VPS50: variants seen among roughly 807,000 people sequenced by gnomAD.
The protein encoded by VPS50 is VPS50 subunit of EARP/GARPII complex.
VPS50 carries 70 observed loss-of-function variants against 139.7 expected under a neutral mutation model. The ratio of observed to expected loss-of-function variants is 0.50; its 90% CI spans 0.41 to 0.61. VPS50 has a LOEUF of 0.61. VPS50 is among the 20% of genes least tolerant of loss of function. The pLI, the probability that VPS50 is intolerant of heterozygous loss-of-function variation, is 0.00. For synonymous variants in VPS50, 365 were observed against 376.7 expected (o/e 0.97, Z 0.36); for missense variants, 921 against 1,133.7 (o/e 0.81, Z 2.69).
chr7:93,322,177 C>T (rs1476617883), intron 20 of VPS50, among the ~76,000 whole-genome samples: 2 of 152,158 alleles, frequency 1.3e-5, no homozygotes, highest in Non-Finnish European at 2.9e-5. Flanking sequence ...TATTTAAAAT[C>T]ATTTCTCACA....
chr7:93,355,899 A>T lies in VPS50; in HGVS notation c.2594A>T (p.Asn865Ile). ...ANRTIVEGYA[N>I]VKKCSNEGRA... is the part of the protein sequence containing the mutation. ...ATTGTTTTGCATCTTAGATATGCCA[A>T]TGTCAAGAAATGCAGTAATGAGGGT... The change falls in exon 27 of 28, where the codon AAT becomes ATT. Residue 865 changes from asparagine (N) to isoleucine (I), a missense_variant. This residue lies in a region of VPS50 where 158 missense variants were observed against 156.3 expected (regional missense o/e 1.01). Coordinates refer to ENST00000305866, the MANE Select transcript of VPS50 (RefSeq NM_017667.4). The T allele has an allele frequency of 6.4e-7, 1 of 1,563,704 alleles. No homozygotes were observed. Among genetic ancestry groups the T allele is most frequent in the South Asian group, 1.2e-5 (1 of 83,546 alleles).
At chr7:93,287,480 A>G (rs1343805871) in intron 12 of VPS50, among the ~76,000 whole-genome samples, 1 of 151,948 alleles carries the variant, frequency 6.6e-6, no homozygotes, top group Non-Finnish European at 1.5e-5. Flanking sequence ...TTGGGTGGAA[A>G]ATAGAAGATA....
intron 14 of VPS50, among the ~76,000 whole-genome samples, chr7:93,295,258 G>A (rs187430149): frequency 6.6e-6 from 1 of 152,200 alleles, no homozygotes; most frequent in Admixed American, 6.5e-5. Flanking sequence ...GGGAGGGAGG[G>A]CCTGCTTCCT....
In VPS50 at chr7:93,284,326, A is replaced by G. The variant is rs529087579; in HGVS notation, c.943-7377A>G. ...CTCAGGCAGCGTGAGGGTTAATAGC[A>G]TCTTATAACTTGAAACTTTGAAAGA... On this transcript the variant is annotated intron_variant, in intron 12 of 27. Coordinates refer to ENST00000305866, the MANE Select transcript of VPS50 (RefSeq NM_017667.4). 3.3e-5 allele frequency among the ~76,000 whole-genome samples: 5 copies of G among 152,284 alleles called. No homozygotes were observed. In the South Asian group the frequency reaches 6.2e-4, roughly 19 times the overall value.
Position 93,239,921 on chromosome 7 carries a change from G to A in VPS50, c.89G>A (p.Arg30Gln), listed in dbSNP as rs537957263. The A allele has an allele frequency of 8.9e-5, 142 of 1,599,782 alleles. No homozygotes were observed. The highest frequency in any genetic ancestry group is 5.0e-4 in the Middle Eastern group (3 of 6,008). The change falls in exon 2 of 28, where the codon CGG becomes CAG. Residue 30 changes from arginine to glutamine, a missense_variant. Arg to Gln is a conservative substitution (Grantham distance 43). Around this residue, in one of 3 missense-constraint regions of VPS50, gnomAD observed 744 missense variants for 930.6 expected, o/e 0.80. Coordinates refer to ENST00000305866, the MANE Select transcript of VPS50 (RefSeq NM_017667.4). ...LSDLGAIESL[R>Q]VPGKEEFREL... ...GATCTTGGTGCCATAGAGAGTCTCC[G>A]GGTCCCTGGAAAGGTATTGAGCTAC... is the stretch of plus-strand genomic sequence containing the variant.
chr7:93,286,015 T>C (rs10230591), intron 12 of VPS50, among the ~76,000 whole-genome samples: 9 of 152,178 alleles, frequency 5.9e-5, no homozygotes, highest in African/African-American at 1.9e-4. Context: ...TCCTTTTTTT[T>C]CTGTGCATTT....
chr7:93,323,565 AT>A, intron 20 of VPS50, 45 bp from the exon 21 acceptor site: 1 of 798,636 alleles, frequency 1.3e-6, no homozygotes. Flanking sequence ...AGACTAACAG[AT>A]TTTAATTTTG....
Position 93,280,601 on chromosome 7 carries a change from C to G in VPS50, c.942+4296C>G, listed in dbSNP as rs1454625516. ...TAATTTAACACCTTTGTAGAGAAAC[C>G]CTTTGTGGTTTATTTGAAAGTTTAT... On this transcript the variant is annotated intron_variant, in intron 12 of 27. Coordinates refer to ENST00000305866, the MANE Select transcript of VPS50 (RefSeq NM_017667.4). Among the ~76,000 whole-genome samples, 5 of 151,982 alleles carry G rather than the reference C, an allele frequency of 3.3e-5. No individual in the cohort carries two copies. In the East Asian group the frequency reaches 5.8e-4, roughly 18 times the overall value.
chr7:93,332,167 C>T (rs912463911), intron 21 of VPS50, among the ~76,000 whole-genome samples: 1 of 152,204 alleles, frequency 6.6e-6, no homozygotes, highest in South Asian at 2.1e-4. Flanking sequence ...TCTCACAGTT[C>T]TGGAGGCTAG....
chr7:93,241,496 G>A (rs1413399599), intron 2 of VPS50, among the ~76,000 whole-genome samples: 1 of 152,092 alleles, frequency 6.6e-6, no homozygotes, highest in African/African-American at 2.4e-5. Context: ...AAAATGTATT[G>A]ATGCTATAAG....
chr7:93,302,805 T>A (rs1023025883), intron 16 of VPS50, among the ~76,000 whole-genome samples: 15 of 152,054 alleles, frequency 9.9e-5, no homozygotes, highest in African/African-American at 3.6e-4. Flanking sequence ...TAAGGGTTTG[T>A]TTTTCTGGGA....
At chr7:93,302,726 A>G (rs903005408) in intron 16 of VPS50, among the ~76,000 whole-genome samples, 11 of 151,988 alleles carry the variant, frequency 7.2e-5, no homozygotes, top group Non-Finnish European at 1.2e-4. Context: ...TGTTTTTAGC[A>G]TGGTAGTAAC....
At chr7:93,261,688 A>G (rs1443661524) in intron 9 of VPS50, among the ~76,000 whole-genome samples, 3 of 151,532 alleles carry the variant, frequency 2.0e-5, no homozygotes, top group East Asian at 1.9e-4. Flanking sequence ...AAAAAAAAAA[A>G]AAAAAAAAAA....
chr7:93,357,389 TTC>T (rs1798736952), intron 27 of VPS50, among the ~76,000 whole-genome samples: 1 of 152,114 alleles, frequency 6.6e-6, no homozygotes, highest in Non-Finnish European at 1.5e-5. Flanking sequence ...AGGGACTCTT[TTC>T]TGTCTTTGAA....
intron 17 of VPS50, among the ~76,000 whole-genome samples, chr7:93,305,333 G>C (rs566002852): frequency 6.6e-6 from 1 of 151,796 alleles, no homozygotes; most frequent in Admixed American, 6.6e-5. Context: ...GGTATATAGC[G>C]AAAAGTAAAT....
Position 93,291,844 on chromosome 7 carries a change from A to G in VPS50, c.1075+9A>G. On this transcript the variant is annotated intron_variant, in intron 13 of 27. Coordinates refer to ENST00000305866, the MANE Select transcript of VPS50 (RefSeq NM_017667.4). Reference sequence around the variant, plus strand: ...TACTGCTTCAGCTTCTGGTAGGAAAATATTTTTATTTTATTTTAAAAATTG... The same window carrying G: ...TACTGCTTCAGCTTCTGGTAGGAAAGTATTTTTATTTTATTTTAAAAATTG... 6.4e-7 allele frequency: 1 copy of G among 1,554,548 alleles called. No individual in the cohort carries two copies. The highest frequency in any genetic ancestry group is 8.7e-7 in the Non-Finnish European group (1 of 1,149,666).
chr7:93,316,670 G>A (rs530749341), intron 20 of VPS50, among the ~76,000 whole-genome samples: 11 of 152,210 alleles, frequency 7.2e-5, no homozygotes, highest in South Asian at 2.1e-4. Context: ...CAAGTTTTCC[G>A]AGCTGATGGT....
At chr7:93,294,499 A>G (rs1181778472) in intron 13 of VPS50, 46 bp from the exon 14 acceptor site, 1 of 1,450,476 alleles carries the variant, frequency 6.9e-7, no homozygotes, top group Non-Finnish European at 9.3e-7. Flanking sequence ...GAAAACAAAC[A>G]CAAATTGGAT....
At chr7:93,243,708 C>T (rs925748134) in intron 2 of VPS50, among the ~76,000 whole-genome samples, 50 of 151,738 alleles carry the variant, frequency 3.3e-4, no homozygotes, top group Non-Finnish European at 1.9e-4. Flanking sequence ...AAGAATACAA[C>T]TAGTATTTGT....
Sources: gnomAD v4.1 joint callset for allele counts (sites outside exome capture counted in the v4.1 genomes callset) on GRCh38, gnomAD v4.1.1 for gene constraint, gnomAD v4.1.1 regional missense constraint, MANE v1.5 for transcripts, NCBI Gene and HGNC (gene_info 2026-07-23, HGNC 2026-07-21) for gene names.